CSMD2: variants seen among roughly 807,000 people sequenced by gnomAD.
The protein encoded by CSMD2 is CUB and sushi domain-containing protein 2.
CSMD2 carries 130 observed loss-of-function variants against 398.5 expected under a neutral mutation model. The ratio of observed to expected loss-of-function variants is 0.33; its 90% CI spans 0.28 to 0.38. CSMD2 has a LOEUF of 0.38. Ranked by LOEUF, CSMD2 falls within the 10% of genes least tolerant of loss-of-function variation. CSMD2 has a pLI of 1.00. For synonymous variants in CSMD2, 1,828 were observed against 1,908.5 expected (o/e 0.96, Z 1.10); for missense variants, 3,829 against 4,764.9 (o/e 0.80, Z 5.78).
chr1:33,741,908 CT>C (rs1463509220), intron 14 of CSMD2, among the ~76,000 whole-genome samples: 1 of 152,228 alleles, frequency 6.6e-6, no homozygotes, highest in Non-Finnish European at 1.5e-5. Flanking sequence ...GTTCTTCCTA[CT>C]CCGCCAGGGC....
chr1:34,106,270 GA>G (rs1410287903), intron 1 of CSMD2, among the ~76,000 whole-genome samples: 1 of 152,302 alleles, frequency 6.6e-6, no homozygotes, highest in East Asian at 1.9e-4. Context: ...AAGGAGCACA[GA>G]CAAACCTAGA....
At position 33,622,211 on chromosome 1, in the gene CSMD2, G is replaced by C. The variant is rs1227594390; in HGVS notation, c.5783C>G (p.Ser1928Ter). The C allele has an allele frequency of 1.2e-6, 2 of 1,614,002 alleles. No homozygotes were observed. Among genetic ancestry groups the C allele is most frequent in the Non-Finnish European group, 1.7e-6 (2 of 1,180,014 alleles). ...GCCAGCTGCAGATACGCTGATATCT[G>C]AGTAGAAATGAAGGTAGAGCTGGTT... ...TSNQLYLHFYSDISVSAAGFH... is the reference protein window; with the variant it reads ...TSNQLYLHFY Residue 1928 changes from serine (S) to a stop codon, truncating the protein, a stop_gained, in exon 37 of 71, where the codon TCA becomes TGA. Coordinates refer to ENST00000373381, the MANE Select transcript of CSMD2 (RefSeq NM_001281956.2). LOFTEE classifies it high-confidence loss of function.
rs542255111 is a variant in CSMD2 at position 33,824,760 on chromosome 1, C to A, written c.1111+937G>T. Among the ~76,000 whole-genome samples the A allele has an allele frequency of 2.6e-5, 4 of 151,684 alleles. No homozygotes were observed. In the South Asian group the frequency reaches 8.4e-4, roughly 32 times the overall value. ...GGCGGGAGCAGAAGGATGAGAAGAA[C>A]GATGGAGCAGAAAGTGGCAAGAGGA... On this transcript the variant is annotated intron_variant, in intron 7 of 70. Transcript: ENST00000373381.
At chr1:33,704,044 C>T (rs556155077) in intron 22 of CSMD2, among the ~76,000 whole-genome samples, 2 of 152,260 alleles carry the variant, frequency 1.3e-5, no homozygotes, top group East Asian at 1.9e-4. Context: ...ATTTTAGTTA[C>T]ATCAATATCA....
At chr1:34,035,487 A>G (rs1026582741) in intron 2 of CSMD2, among the ~76,000 whole-genome samples, 1 of 152,174 alleles carries the variant, frequency 6.6e-6, no homozygotes, top group African/African-American at 2.4e-5. Flanking sequence ...TCAGCAATAT[A>G]TAAAAATATT....
At chr1:34,076,280 C>T (rs1052023056) in intron 2 of CSMD2, among the ~76,000 whole-genome samples, 14 of 152,240 alleles carry the variant, frequency 9.2e-5, no homozygotes, top group Non-Finnish European at 1.9e-4. Context: ...TGGGTTGACT[C>T]ACTTGCCCAA....
Position 34,116,434 on chromosome 1 carries a change from C to T in CSMD2, c.188-27241G>A, listed in dbSNP as rs144573703. Reference sequence around the variant, plus strand: ...TATAATGAAAAAAGGGTCAATTCAACAAGGAAGATATAACAATTATAAACA... The same window carrying T: ...TATAATGAAAAAAGGGTCAATTCAATAAGGAAGATATAACAATTATAAACA... On this transcript the variant is annotated intron_variant, in intron 1 of 70. Coordinates refer to ENST00000373381, the MANE Select transcript of CSMD2 (RefSeq NM_001281956.2). 7.7e-3 allele frequency among the ~76,000 whole-genome samples: 1,173 copies of T among 151,974 alleles called. 24 individuals are homozygous for T. Among genetic ancestry groups the T allele is most frequent in the African/African-American group, 0.027 (1,114 of 41,490 alleles).
chr1:33,670,390 T>C (rs1038763639), intron 25 of CSMD2, among the ~76,000 whole-genome samples: 2 of 152,246 alleles, frequency 1.3e-5, no homozygotes, highest in Non-Finnish European at 2.9e-5. Context: ...GGGACCCCTG[T>C]GGTTCATCCA....
At chr1:33,922,065 G>A (rs1643960446) in intron 4 of CSMD2, among the ~76,000 whole-genome samples, 1 of 152,164 alleles carries the variant, frequency 6.6e-6, no homozygotes, top group Non-Finnish European at 1.5e-5. Flanking sequence ...GGACGCTAGA[G>A]GAGACGCAGC....
chr1:34,123,362 G>A (rs705213), intron 1 of CSMD2, among the ~76,000 whole-genome samples: 56,334 of 151,960 alleles, frequency 0.37, 11,384 homozygotes, highest in East Asian at 0.68. Flanking sequence ...TGTGCCCAGG[G>A]AGGGCATGGA....
At chr1:33,674,651 A>G (rs912605474) in intron 25 of CSMD2, among the ~76,000 whole-genome samples, 2 of 152,248 alleles carry the variant, frequency 1.3e-5, no homozygotes, top group South Asian at 2.1e-4. Context: ...TCAACAGAAT[A>G]TACATTCTTT....
At chr1:33,707,977 G>A (rs1645861754) in intron 22 of CSMD2, among the ~76,000 whole-genome samples, 1 of 152,114 alleles carries the variant, frequency 6.6e-6, no homozygotes, top group Admixed American at 6.5e-5. Flanking sequence ...AAAATTCCTT[G>A]GCCTAGAATG....
At chr1:34,012,497 A>G (rs1647496546) in intron 3 of CSMD2, among the ~76,000 whole-genome samples, 1 of 151,714 alleles carries the variant, frequency 6.6e-6, no homozygotes, top group Admixed American at 6.6e-5. Context: ...GCTGGAGTAC[A>G]ATGGCGTGAT....
intron 1 of CSMD2, among the ~76,000 whole-genome samples, chr1:34,157,561 C>A (rs550584234): frequency 6.6e-6 from 1 of 151,744 alleles, no homozygotes; most frequent in African/African-American, 2.4e-5. Context: ...TCCACCCACC[C>A]CATCTTATCC....
At chr1:33,917,170 C>G (rs1304588666) in intron 5 of CSMD2, among the ~76,000 whole-genome samples, 1 of 152,200 alleles carries the variant, frequency 6.6e-6, no homozygotes, top group Non-Finnish European at 1.5e-5. Flanking sequence ...CTGCGGCACC[C>G]CCTGGTAGCC....
intron 1 of CSMD2, among the ~76,000 whole-genome samples, chr1:34,110,485 A>G (rs575339632): frequency 1.3e-5 from 2 of 152,268 alleles, no homozygotes; most frequent in Middle Eastern, 3.4e-3. Flanking sequence ...AATATGGTAC[A>G]TATACACCAT....
intron 13 of CSMD2, among the ~76,000 whole-genome samples, chr1:33,758,145 T>C (rs1395849345): frequency 6.6e-6 from 1 of 152,142 alleles, no homozygotes; most frequent in African/African-American, 2.4e-5. Flanking sequence ...CCTCCCCTAT[T>C]GCACCCTACA....
intron 3 of CSMD2, among the ~76,000 whole-genome samples, chr1:33,973,857 CTT>C (rs1645861787): frequency 1.3e-5 from 2 of 152,102 alleles, no homozygotes; most frequent in Non-Finnish European, 2.9e-5. Flanking sequence ...AAGCCTCAGT[CTT>C]TATAGGAAAG....
At chr1:33,661,895 C>A (rs1176191335) in intron 26 of CSMD2, among the ~76,000 whole-genome samples, 1 of 152,146 alleles carries the variant, frequency 6.6e-6, no homozygotes, top group Non-Finnish European at 1.5e-5. Context: ...ACAGGTGCCA[C>A]AAGAAATTGC....
Sources: allele counts gnomAD v4.1 joint callset (sites outside exome capture counted in the v4.1 genomes callset), GRCh38; gene constraint gnomAD v4.1.1; transcripts MANE v1.5; gene names NCBI Gene and HGNC (gene_info 2026-07-23, HGNC 2026-07-21).